Variants in SEC14L5 observed in about 807,000 individuals in gnomAD.
The protein encoded by SEC14L5 is SEC14 like lipid binding 5.
A neutral mutation model predicts 84.6 loss-of-function variants in SEC14L5; 96 were observed. That is an observed-to-expected ratio of 1.13 (90% CI 0.96 to 1.34). The LOEUF is 1.34. Ranked by LOEUF, SEC14L5 falls within the 40% of genes most tolerant of loss-of-function variation. SEC14L5 has a pLI of 0.00. For missense variants in SEC14L5, 1,224 were observed against 942.5 expected (o/e 1.30, Z -3.91); for synonymous variants, 546 against 383.4 (o/e 1.42, Z -4.95).
chr16:4,980,248 C>T (rs1955405056), intron 2 of SEC14L5, among the ~76,000 whole-genome samples: 1 of 152,238 alleles, frequency 6.6e-6, no homozygotes, highest in South Asian at 2.1e-4. Flanking sequence ...TGCTGGACAA[C>T]TGGCTCTGGG....
At chr16:4,980,401 C>A (rs1033646971) in intron 2 of SEC14L5, among the ~76,000 whole-genome samples, 5 of 152,170 alleles carry the variant, frequency 3.3e-5, no homozygotes, top group African/African-American at 1.2e-4. Flanking sequence ...CCCTCCGTGC[C>A]TGTTATCTGG....
In SEC14L5 at chr16:4,988,131, C is replaced by G; in HGVS notation, c.214-18C>G. ...ACGCCGCCCACCCACCTCCGCCTCC[C>G]CGCCCCTTCCCTTGCAGATCGCAGG... On this transcript the variant is annotated intron_variant, in intron 3 of 15. Coordinates refer to ENST00000251170, the MANE Select transcript of SEC14L5 (RefSeq NM_014692.2). 1 of 1,613,302 alleles carries G rather than the reference C, an allele frequency of 6.2e-7. No homozygotes were observed. Among genetic ancestry groups the G allele is most frequent in the Non-Finnish European group, 8.5e-7 (1 of 1,179,470 alleles).
intron 2 of SEC14L5, among the ~76,000 whole-genome samples, chr16:4,974,268 T>A (rs1269881577): frequency 1.3e-5 from 2 of 152,110 alleles, no homozygotes; most frequent in Non-Finnish European, 2.9e-5. Context: ...CAGGCTGGAG[T>A]GCAGTGGCAG....
At chr16:4,985,909 G>A (rs1955481279) in intron 2 of SEC14L5, among the ~76,000 whole-genome samples, 1 of 151,816 alleles carries the variant, frequency 6.6e-6, no homozygotes. Context: ...CCTGATGTTG[G>A]TATAAATATT....
intron 5 of SEC14L5, among the ~76,000 whole-genome samples, 189 bp downstream of exon 5, chr16:4,991,084 C>A (rs969093537): frequency 1.3e-5 from 2 of 151,536 alleles, no homozygotes; most frequent in Non-Finnish European, 2.9e-5. Context: ...AACAGGGGCA[C>A]CCTAATCCTC....
intron 8 of SEC14L5, among the ~76,000 whole-genome samples, chr16:4,998,792 G>T (rs1268598740): frequency 1.3e-5 from 2 of 149,364 alleles, no homozygotes; most frequent in Non-Finnish European, 3.0e-5. Flanking sequence ...ATCAAGTAGG[G>T]TAAACGCTTG....
chr16:5,011,111 G>T lies in SEC14L5; in HGVS notation c.1817G>T (p.Arg606Leu), dbSNP rs372747051. The T allele has an allele frequency of 6.2e-7, 1 of 1,604,092 alleles. No individual in the cohort carries two copies. The highest frequency in any genetic ancestry group is 1.7e-5 in the Admixed American group (1 of 58,500). The change falls in exon 15 of 16, where the codon CGG becomes CTG. Residue 606 changes from arginine (R) to leucine (L), a missense_variant. Coordinates refer to ENST00000251170, the MANE Select transcript of SEC14L5 (RefSeq NM_014692.2). Reference sequence around the variant, plus strand: ...GTGTTTCAGGGCTCCCATGTGACCCGGTGGCCCGGCGTCTACCTGCTCCAG... The same window carrying T: ...GTGTTTCAGGGCTCCCATGTGACCCTGTGGCCCGGCGTCTACCTGCTCCAG... ...GESIQGSHVT[R>L]WPGVYLLQWQ...
chr16:4,977,066 C>T lies in SEC14L5; in HGVS notation c.64-10491C>T, dbSNP rs1390545851. Among the ~76,000 whole-genome samples the T allele has an allele frequency of 2.6e-5, 4 of 152,302 alleles. No homozygotes were observed. The East Asian group carries it at 7.7e-4, about 29-fold the overall frequency. ...GTCTCTGCCAGGGCCTCTCCCAGGG[C>T]AGGGTGCCTGCGGCCCACAGTTTCT... On this transcript the variant is annotated intron_variant, in intron 2 of 15. Transcript: ENST00000251170.
At chr16:4,983,228 G>T (rs1403215484) in intron 2 of SEC14L5, among the ~76,000 whole-genome samples, 5 of 151,772 alleles carry the variant, frequency 3.3e-5, no homozygotes, top group Non-Finnish European at 7.4e-5. Flanking sequence ...TAGCCAGGCT[G>T]GTCTCAAACT....
At chr16:4,976,265 T>G (rs149348467) in intron 2 of SEC14L5, among the ~76,000 whole-genome samples, 172 of 152,244 alleles carry the variant, frequency 1.1e-3, no homozygotes, top group Middle Eastern at 3.4e-3. Flanking sequence ...GCTTGATGAT[T>G]TTTTCACACA....
rs1471127890 is a variant in SEC14L5, at chr16:5,015,918, A to G, written c.*948A>G. On this transcript the variant is annotated 3_prime_UTR_variant, in exon 16 of 16. Coordinates refer to ENST00000251170, the MANE Select transcript of SEC14L5 (RefSeq NM_014692.2). ...CCTGGGTTTCTGCTAAGTTCCAGGC[A>G]GTGATGGGGTGACTGAGGCTGTCTG... The G allele has an allele frequency of 1.3e-5, 2 of 152,288 alleles. No homozygotes were observed. Among genetic ancestry groups the G allele is most frequent in the Non-Finnish European group, 2.9e-5 (2 of 68,084 alleles). 9.4% of individuals were successfully genotyped at this position (152,288 alleles called of 1,614,324 possible).
chr16:4,975,784 T>C (rs780414691), intron 2 of SEC14L5, among the ~76,000 whole-genome samples: 1 of 151,818 alleles, frequency 6.6e-6, no homozygotes, highest in Non-Finnish European at 1.5e-5. Flanking sequence ...AGGAAAGGGG[T>C]TGATAGGGAG....
chr16:4,987,730 G>A, intron 3 of SEC14L5, 24 bp downstream of exon 3: 1 of 1,467,364 alleles, frequency 6.8e-7, no homozygotes, highest in East Asian at 2.6e-5. Context: ...GGGCTGGGGG[G>A]CGGAGGAGGG....
chr16:4,980,453 TG>T (rs1327706456), intron 2 of SEC14L5, among the ~76,000 whole-genome samples: 2 of 152,146 alleles, frequency 1.3e-5, no homozygotes, highest in Non-Finnish European at 2.9e-5. Context: ...TTTGTTAGGA[TG>T]GGAAGTGAGT....
intron 11 of SEC14L5, among the ~76,000 whole-genome samples, chr16:5,005,472 T>G (rs1436410479): frequency 6.6e-6 from 1 of 151,692 alleles, no homozygotes; most frequent in Non-Finnish European, 1.5e-5. Context: ...TAGGTAGAGG[T>G]GCTGGCTGCA....
intron 2 of SEC14L5, among the ~76,000 whole-genome samples, chr16:4,969,130 C>T (rs1955242471): frequency 6.6e-6 from 1 of 152,234 alleles, no homozygotes; most frequent in South Asian, 2.1e-4. Flanking sequence ...ACCTTGAATG[C>T]TGCTCTGATT....
rs1437448241 is a variant in SEC14L5, at chr16:5,009,225, CT to C, written c.1800+578del. Among the ~76,000 whole-genome samples, 5 of 152,238 alleles carry C rather than the reference CT, an allele frequency of 3.3e-5. No individual in the cohort carries two copies. In the East Asian group the frequency reaches 9.7e-4, roughly 29 times the overall value. ...CTCTGTCTTTAAAGGGGTTTCTTCT[CT>C]GTCTGTCTCTCTTCTGAGTCTCAAA... On this transcript the variant is annotated intron_variant, in intron 14 of 15. Transcript: ENST00000251170.
intron 8 of SEC14L5, among the ~76,000 whole-genome samples, chr16:4,998,758 A>G (rs1028846945): frequency 2.0e-3 from 275 of 138,202 alleles, no homozygotes; most frequent in Non-Finnish European, 3.2e-3. Flanking sequence ...AAAAAAAAAA[A>G]AAAAAAAATA....
rs754505785 is a variant in SEC14L5 at position 4,988,310 on chromosome 16, C to T, written c.345+30C>T. On this transcript the variant is annotated intron_variant, in intron 4 of 15. Transcript: ENST00000251170. Reference sequence around the variant, plus strand: ...GCCCAGGCCACCCTCAGCGCCCACGCCCGGCACCCACCTGCGCCCGGCACC... The same window carrying T: ...GCCCAGGCCACCCTCAGCGCCCACGTCCGGCACCCACCTGCGCCCGGCACC... 2.5e-6 allele frequency: 4 copies of T among 1,609,350 alleles called. No individual in the cohort carries two copies. The African/African-American group carries it at 4.0e-5, about 16-fold the overall frequency.
Sources: gnomAD v4.1 joint callset for allele counts (sites outside exome capture counted in the v4.1 genomes callset) on GRCh38, gnomAD v4.1.1 for gene constraint, MANE v1.5 for transcripts, NCBI Gene and HGNC (gene_info 2026-07-23, HGNC 2026-07-21) for gene names.